Variants in SYCE3 observed in about 807,000 individuals in gnomAD.
SYCE3 encodes the protein testis highly expressed gene 2 protein.
In SYCE3, 3 loss-of-function variants were observed where a neutral mutation model predicts 8.1. The ratio of observed to expected loss-of-function variants is 0.37; its 90% confidence interval spans 0.17 to 0.96. The LOEUF (loss-of-function observed/expected upper bound fraction) is 0.96. Ranked by LOEUF, SYCE3 falls within the 40% of genes least tolerant of loss-of-function variation. SYCE3 has a pLI of 0.41. For missense variants in SYCE3, 83 were observed against 110.0 expected (o/e 0.75, Z 1.10); for synonymous variants, 36 against 38.7 (o/e 0.93, Z 0.26).
chr22:50,552,122 C>T (rs187740813), intron 2 of SYCE3, among the ~76,000 whole-genome samples: 11 of 152,354 alleles, frequency 7.2e-5, no homozygotes, highest in Admixed American at 2.0e-4. Context: ...GTTCAGCCCT[C>T]TGCAACTATA....
At chr22:50,552,091 C>T (rs1035238160) in intron 2 of SYCE3, among the ~76,000 whole-genome samples, 1 of 152,216 alleles carries the variant, frequency 6.6e-6, no homozygotes, top group African/African-American at 2.4e-5. Flanking sequence ...TTTTTCTCTG[C>T]ATAGTCCACC....
At chr22:50,554,506 CA>C in intron 2 of SYCE3, among the ~76,000 whole-genome samples, 1 of 151,284 alleles carries the variant, frequency 6.6e-6, no homozygotes, top group Non-Finnish European at 1.5e-5. Flanking sequence ...CCAGCCTGGC[CA>C]AAATGGTGAA....
chr22:50,560,944 C>T (rs1019226290), intron 1 of SYCE3, among the ~76,000 whole-genome samples: 1 of 152,174 alleles, frequency 6.6e-6, no homozygotes, highest in African/African-American at 2.4e-5. Context: ...CTTGTAACAA[C>T]AGACATTCTT....
intron 1 of SYCE3, among the ~76,000 whole-genome samples, chr22:50,557,178 C>T (rs1322016264): frequency 2.9e-5 from 4 of 138,284 alleles, no homozygotes; most frequent in Admixed American, 7.5e-5. Context: ...TTTTTTGAGA[C>T]GAAGTTTTGC....
rs973678864 is a variant in SYCE3, at chr22:50,554,031, A to G, written c.109+2266T>C. Among the ~76,000 whole-genome samples, 11 of 152,034 alleles carry G rather than the reference A, an allele frequency of 7.2e-5. No homozygotes were observed. In the South Asian group the frequency reaches 2.3e-3, roughly 32 times the overall value. On this transcript the variant is annotated intron_variant, in intron 2 of 2. Transcript: ENST00000406915. ...ACACGGGGAAACTCCATCTCTACTA[A>G]AAATACAAAAAAAATTAGCCATGCA...
intron 1 of SYCE3, among the ~76,000 whole-genome samples, chr22:50,560,471 G>A (rs1399886544): frequency 2.0e-5 from 3 of 152,132 alleles, no homozygotes; most frequent in Non-Finnish European, 2.9e-5. Flanking sequence ...TGAAAAAAAG[G>A]GCTCAGTAAA....
chr22:50,558,294 G>A (rs1054222605), intron 1 of SYCE3, among the ~76,000 whole-genome samples: 1 of 152,064 alleles, frequency 6.6e-6, no homozygotes, highest in African/African-American at 2.4e-5. Context: ...TGTGGCGGCA[G>A]GTGCCTAATC....
intron 2 of SYCE3, among the ~76,000 whole-genome samples, chr22:50,554,810 T>C (rs1443548587): frequency 2.1e-5 from 3 of 144,310 alleles, no homozygotes; most frequent in South Asian, 2.3e-4. Context: ...CTGGCCAACA[T>C]GGTGAAACCC....
intron 1 of SYCE3, among the ~76,000 whole-genome samples, chr22:50,561,225 G>C (rs1462734652): frequency 6.6e-6 from 1 of 152,162 alleles, no homozygotes; most frequent in African/African-American, 2.4e-5. Context: ...GTTTCTATAA[G>C]TGGGGCGTTG....
rs1229425603 is a variant in SYCE3 at position 50,551,157 on chromosome 22, G to A, written c.*88C>T. The A allele has an allele frequency of 3.4e-6, 5 of 1,477,284 alleles. No individual in the cohort carries two copies. The highest frequency in any genetic ancestry group is 4.1e-5 in the Admixed American group (2 of 48,830). The allele number at this position is 1,477,284 out of a possible 1,614,324, so 91.5% of individuals were successfully genotyped here. A position where few individuals can be genotyped will look rare whatever the true frequency, so the allele number is the denominator to read the frequency against. ...TTAAGAAACAAGTACAGTGCATACA[G>A]CTATTCATGTGGGTGCCAGCTCCAT... On this transcript the variant is annotated 3_prime_UTR_variant, in exon 3 of 3. Coordinates refer to ENST00000406915, the MANE Select transcript of SYCE3 (RefSeq NM_001123225.3).
At chr22:50,552,450 A>C (rs1217547915) in intron 2 of SYCE3, among the ~76,000 whole-genome samples, 2 of 151,974 alleles carry the variant, frequency 1.3e-5, no homozygotes, top group Admixed American at 6.5e-5. Context: ...CAAGAGATTG[A>C]GACCATCCTG....
At chr22:50,560,804 T>C (rs1360605923) in intron 1 of SYCE3, among the ~76,000 whole-genome samples, 5 of 152,058 alleles carry the variant, frequency 3.3e-5, no homozygotes, top group Non-Finnish European at 7.4e-5. Context: ...CATTTCACCC[T>C]ATGAAGGTAA....
At chr22:50,557,997 C>T (rs1220365383) in intron 1 of SYCE3, among the ~76,000 whole-genome samples, 1 of 152,124 alleles carries the variant, frequency 6.6e-6, no homozygotes, top group African/African-American at 2.4e-5. Context: ...ACTGTGGGGT[C>T]CTGGAAAGCA....
chr22:50,555,490 C>G (rs1304412660), intron 2 of SYCE3, among the ~76,000 whole-genome samples: 1 of 152,152 alleles, frequency 6.6e-6, no homozygotes, highest in African/African-American at 2.4e-5. Flanking sequence ...ACCTGCCTCT[C>G]TTTTGGAATT....
intron 1 of SYCE3, among the ~76,000 whole-genome samples, chr22:50,557,730 A>G (rs1335710359): frequency 3.6e-5 from 4 of 111,872 alleles, no homozygotes; most frequent in Non-Finnish European, 8.0e-5. Context: ...AGAGAAATAG[A>G]TAAATAATGT....
chr22:50,558,993 A>G (rs1334508092), intron 1 of SYCE3, among the ~76,000 whole-genome samples: 3 of 152,130 alleles, frequency 2.0e-5, no homozygotes, highest in African/African-American at 7.2e-5. Flanking sequence ...TCTTCTCTTG[A>G]TGTTTTAACC....
chr22:50,553,230 C>T (rs2069827752), intron 2 of SYCE3, among the ~76,000 whole-genome samples: 1 of 140,500 alleles, frequency 7.1e-6, no homozygotes, highest in Non-Finnish European at 1.5e-5. Flanking sequence ...AATAAAATCC[C>T]AAAGTGCTGG....
rs770553449 is a variant in SYCE3, at chr22:50,556,407, T to G, written c.1-2A>C. The G allele has an allele frequency of 1.9e-5, 30 of 1,548,254 alleles. No individual in the cohort carries two copies. Among genetic ancestry groups the G allele is most frequent in the Non-Finnish European group, 2.5e-5 (29 of 1,144,298 alleles). On this transcript the variant is annotated splice_acceptor_variant, in intron 1 of 2. Coordinates refer to ENST00000406915, the MANE Select transcript of SYCE3 (RefSeq NM_001123225.3). LOFTEE classifies it low-confidence loss of function (5UTR_SPLICE). Reference sequence around the variant, plus strand: ...TTCCTCAGGGTCAGCATCATCCATCTAGGCAATGCACAGAAAGAAGCTGCA... The same window carrying G: ...TTCCTCAGGGTCAGCATCATCCATCGAGGCAATGCACAGAAAGAAGCTGCA...
At position 50,556,349 on chromosome 22, in the gene SYCE3, T is replaced by G; in HGVS notation, c.57A>C (p.Ser19=). 1 of 1,552,160 alleles carries G rather than the reference T, an allele frequency of 6.4e-7. No homozygotes were observed. The highest frequency in any genetic ancestry group is 2.0e-5 in the Admixed American group (1 of 51,006). Residue 19 remains serine (S), a synonymous_variant, in exon 2 of 3, where the codon TCA becomes TCC. Coordinates refer to ENST00000406915, the MANE Select transcript of SYCE3 (RefSeq NM_001123225.3). ...GCTTTTCCAAGTCCTTATTCAGATC[T>G]GACAGCATTTTCAGCATGTTGTCAT... ...RNYDNMLKML[S]DLNKDLEKLL...
Sources: allele counts gnomAD v4.1 joint callset (sites outside exome capture counted in the v4.1 genomes callset), GRCh38; gene constraint gnomAD v4.1.1; transcripts MANE v1.5; gene names NCBI Gene and HGNC (gene_info 2026-07-23, HGNC 2026-07-21).